The following XKR9 variants were observed in gnomAD, a reference collection of about 807,000 sequenced individuals.
XKR9 encodes XK-related protein 9.
In XKR9, 32 loss-of-function variants were observed where a neutral mutation model predicts 32.0. The ratio of observed to expected loss-of-function variants is 1.00; its 90% CI spans 0.76 to 1.34. The LOEUF (loss-of-function observed/expected upper bound fraction) is 1.34. XKR9 is among the 40% of genes most tolerant of loss of function. The pLI, the probability that XKR9 is intolerant of heterozygous loss-of-function variation, is 0.00. For synonymous variants in XKR9, 168 were observed against 143.4 expected (o/e 1.17, Z -1.22); for missense variants, 546 against 429.7 (o/e 1.27, Z -2.39).
chr8:71,022,907 G>T, the XKR9 span, among the ~76,000 whole-genome samples: 1 of 149,122 alleles, frequency 6.7e-6, no homozygotes, highest in South Asian at 2.2e-4. Context: ...TTTTTATTTT[G>T]TTCATTGAAT....
chr8:70,857,650 G>A, the XKR9 span, among the ~76,000 whole-genome samples: 21 of 152,172 alleles, frequency 1.4e-4, no homozygotes, highest in Non-Finnish European at 2.2e-4. Flanking sequence ...AAGCCTGGCC[G>A]AGACACAACA....
the XKR9 span, among the ~76,000 whole-genome samples, chr8:70,862,804 T>C: frequency 6.6e-6 from 1 of 152,108 alleles, no homozygotes; most frequent in Non-Finnish European, 1.5e-5. Flanking sequence ...CATGTAAATA[T>C]AAAAGTAATT....
At chr8:70,836,141 A>G in the XKR9 span, among the ~76,000 whole-genome samples, 15 of 152,230 alleles carry the variant, frequency 9.9e-5, no homozygotes, top group Admixed American at 2.6e-4. Flanking sequence ...AATTGTAGAC[A>G]TTAGTATGCT....
the XKR9 span, among the ~76,000 whole-genome samples, chr8:70,923,077 C>T: frequency 8.1e-4 from 123 of 152,348 alleles, 2 homozygotes; most frequent in East Asian, 0.01. Context: ...AGACACATTT[C>T]GCCTTTCTTC....
rs556451031 is a variant in XKR9, at chr8:70,742,687, G to GT, written n.352+35540dup. On this transcript the variant is annotated intron_variant and non_coding_transcript_variant, in intron 2 of 3. Coordinates refer to the XKR9 transcript ENST00000520273. ...TGGATATAGAGTTCTGAGTTGACAG[G>GT]TTTTTTCCTTCCTTTAAGTGTTTTA... Among the ~76,000 whole-genome samples the GT allele has an allele frequency of 3.1e-4, 47 of 151,998 alleles. No individual in the cohort carries two copies. The East Asian group carries it at 4.4e-3, about 14-fold the overall frequency.
the XKR9 span, among the ~76,000 whole-genome samples, chr8:71,025,707 G>A: frequency 6.6e-6 from 1 of 152,180 alleles, no homozygotes; most frequent in Non-Finnish European, 1.5e-5. Flanking sequence ...TTCCTTTTAA[G>A]CTTGAATTCT....
chr8:70,931,389 T>C, the XKR9 span, among the ~76,000 whole-genome samples: 5 of 152,286 alleles, frequency 3.3e-5, no homozygotes, highest in Admixed American at 2.0e-4. Flanking sequence ...CCAGGTTGTG[T>C]GGTAGGATCG....
the XKR9 span, among the ~76,000 whole-genome samples, chr8:70,975,667 A>G: frequency 6.6e-6 from 1 of 152,210 alleles, no homozygotes; most frequent in Non-Finnish European, 1.5e-5. Context: ...GTTTGAAGTC[A>G]GGTAGCGCGA....
the XKR9 span, among the ~76,000 whole-genome samples, chr8:71,033,058 T>C: frequency 6.8e-6 from 1 of 147,046 alleles, no homozygotes; most frequent in African/African-American, 2.6e-5. Context: ...CACTCCAGTC[T>C]AGGGACAGGG....
Position 70,734,762 on chromosome 8 carries a change from A to G in XKR9, c.*338A>G, listed in dbSNP as rs992754722. 1.2e-5 allele frequency: 2 copies of G among 166,642 alleles called. No individual in the cohort carries two copies. The highest frequency in any genetic ancestry group is 2.5e-5 in the Non-Finnish European group (2 of 78,680). The allele number at this position is 166,642 out of a possible 1,614,324, so 10.3% of individuals were successfully genotyped here. On this transcript the variant is annotated 3_prime_UTR_variant, in exon 5 of 5. Coordinates refer to ENST00000408926, the MANE Select transcript of XKR9 (RefSeq NM_001011720.2). Reference sequence around the variant, plus strand: ...ACTAATACTACTGTACCTGTTATGGAGGACTGCAAAGGGAAGAGAAAAGCA... The same window carrying G: ...ACTAATACTACTGTACCTGTTATGGGGGACTGCAAAGGGAAGAGAAAAGCA...
chr8:70,924,530 T>G, the XKR9 span, among the ~76,000 whole-genome samples: 1 of 152,348 alleles, frequency 6.6e-6, no homozygotes, highest in African/African-American at 2.4e-5. Flanking sequence ...TGAGACTTAC[T>G]GAGTGAACTC....
chr8:70,810,884 G>C, the XKR9 span, among the ~76,000 whole-genome samples: 1 of 152,136 alleles, frequency 6.6e-6, no homozygotes, highest in South Asian at 2.1e-4. Flanking sequence ...AGATCAACGA[G>C]ACAGAAAGTT....
the XKR9 span, among the ~76,000 whole-genome samples, chr8:70,981,257 C>T: frequency 6.6e-6 from 1 of 152,138 alleles, no homozygotes; most frequent in Non-Finnish European, 1.5e-5. Flanking sequence ...GATTTCTTTT[C>T]TTTCTCAGGA....
At chr8:70,987,167 A>G in the XKR9 span, among the ~76,000 whole-genome samples, 2 of 152,126 alleles carry the variant, frequency 1.3e-5, no homozygotes, top group African/African-American at 4.8e-5. Context: ...AAACCATATC[A>G]TTCAGCCCCT....
chr8:70,671,429 C>T (rs1396269636), intron 1 of XKR9, among the ~76,000 whole-genome samples: 2 of 57,608 alleles, frequency 3.5e-5, no homozygotes, highest in Admixed American at 3.0e-4. Context: ...GTGCGCTGCA[C>T]CCACTAATGT....
At chr8:70,813,121 C>G in the XKR9 span, among the ~76,000 whole-genome samples, 1 of 152,016 alleles carries the variant, frequency 6.6e-6, no homozygotes, top group Non-Finnish European at 1.5e-5. Flanking sequence ...CAGAACAGAG[C>G]CCTCAGAAAT....
intron 2 of XKR9, among the ~76,000 whole-genome samples, chr8:70,767,611 C>G (rs966044701): frequency 6.7e-6 from 1 of 150,144 alleles, no homozygotes; most frequent in East Asian, 2.0e-4. Flanking sequence ...ATTCTCCTGC[C>G]TCAGCCTCCC....
chr8:70,764,751 C>A (rs1010470090), intron 2 of XKR9, among the ~76,000 whole-genome samples: 1 of 152,204 alleles, frequency 6.6e-6, no homozygotes, highest in Middle Eastern at 3.4e-3. Context: ...TGCCTCCCAC[C>A]CCCTGACAGG....
At chr8:70,873,760 T>G in the XKR9 span, among the ~76,000 whole-genome samples, 1 of 152,224 alleles carries the variant, frequency 6.6e-6, no homozygotes, top group African/African-American at 2.4e-5. Context: ...TATATAAAGT[T>G]AGTGGATAAC....
Sources: allele counts gnomAD v4.1 joint callset (sites outside exome capture counted in the v4.1 genomes callset), GRCh38; gene constraint gnomAD v4.1.1; transcripts MANE v1.5; gene names NCBI Gene and HGNC (gene_info 2026-07-23, HGNC 2026-07-21).